PIR: variants seen among roughly 807,000 people sequenced by gnomAD.
The protein encoded by PIR is pirin (iron-binding nuclear protein).
Under a neutral mutation model 24.2 loss-of-function variants are expected in PIR, and 22 were observed. That is an observed-to-expected ratio of 0.91 (90% CI 0.65 to 1.30). The LOEUF (loss-of-function observed/expected upper bound fraction) is 1.30, where lower values mean the gene tolerates loss of function less well. Ranked by LOEUF, PIR falls within the 50% of genes most tolerant of loss-of-function variation. PIR has a pLI of 0.00. For synonymous variants in PIR, 80 were observed against 79.6 expected (o/e 1.00, Z -0.03); for missense variants, 220 against 220.3 (o/e 1.00, Z 0.01).
chrX:15,470,347 G>A lies in PIR; in HGVS notation c.189+9382C>T, dbSNP rs750247761. On this transcript the variant is annotated intron_variant, in intron 3 of 9. Coordinates refer to ENST00000380420, the MANE Select transcript of PIR (RefSeq NM_001018109.3). Reference sequence around the variant, plus strand: ...GCAAATTTCCTTCAAGTTTAATCCTGTGTAGTCAGGCCTGTGATTCTAAGA... The same window carrying A: ...GCAAATTTCCTTCAAGTTTAATCCTATGTAGTCAGGCCTGTGATTCTAAGA... 1.3e-4 allele frequency among the ~76,000 whole-genome samples: 15 copies of A among 111,401 alleles called. No individual in the cohort carries two copies. The South Asian group carries it at 2.6e-3, about 19-fold the overall frequency.
intron 6 of PIR, among the ~76,000 whole-genome samples, chrX:15,424,809 C>T (rs763770226): frequency 1.3e-4 from 14 of 111,494 alleles, no homozygotes; most frequent in Non-Finnish European, 2.6e-4. Context: ...CCAGCCTGGG[C>T]AACGTGGTGA....
intron 5 of PIR, among the ~76,000 whole-genome samples, chrX:15,438,835 C>T (rs920180329): frequency 9.0e-6 from 1 of 111,299 alleles, no homozygotes; most frequent in African/African-American, 3.3e-5. Flanking sequence ...CTCTTCATGC[C>T]CACACTTGGA....
chrX:15,480,436 T>C (rs766231364), intron 2 of PIR, among the ~76,000 whole-genome samples: 2 of 112,372 alleles, frequency 1.8e-5, no homozygotes, highest in South Asian at 3.6e-4. Context: ...CATTTCATAA[T>C]CATCTAAGAT....
chrX:15,409,759 C>A (rs890932894), intron 6 of PIR, among the ~76,000 whole-genome samples: 1 of 111,235 alleles, frequency 9.0e-6, no homozygotes, highest in Non-Finnish European at 1.9e-5. Flanking sequence ...TTCAGAGCAC[C>A]AATAGCTTCA....
intron 3 of PIR, among the ~76,000 whole-genome samples, chrX:15,479,349 T>C (rs1234586860): frequency 2.8e-5 from 3 of 106,893 alleles, no homozygotes; most frequent in Non-Finnish European, 3.9e-5. Flanking sequence ...TTTTCTTTCT[T>C]TTTTTTTTTT....
rs1347240923 is a variant in PIR at position 15,418,214 on chromosome X, T to C, written c.565+7692A>G. ...GAGGCAAAGGTGCTGTAAAAGGAAA[T>C]GAGGAAAATAAACAGAGTGGCTGTT... On this transcript the variant is annotated intron_variant, in intron 6 of 9. Transcript: ENST00000380420. 9.0e-5 allele frequency among the ~76,000 whole-genome samples: 10 copies of C among 110,833 alleles called. No individual in the cohort carries two copies. In the Admixed American group the frequency reaches 9.7e-4, roughly 11 times the overall value.
intron 9 of PIR, among the ~76,000 whole-genome samples, chrX:15,389,069 T>C (rs917061495): frequency 2.7e-5 from 3 of 111,450 alleles, no homozygotes; most frequent in Non-Finnish European, 5.7e-5. Flanking sequence ...TCAGTTAGAC[T>C]CTTGCTTTTC....
chrX:15,492,231 G>T (rs367898413), intron 1 of PIR, among the ~76,000 whole-genome samples: 2 of 111,027 alleles, frequency 1.8e-5, no homozygotes, highest in East Asian at 5.7e-4. Context: ...TGAATTCAAA[G>T]ACCCATCTAT....
At chrX:15,475,254 G>A (rs1156541305) in intron 3 of PIR, among the ~76,000 whole-genome samples, 2 of 111,390 alleles carry the variant, frequency 1.8e-5, no homozygotes, top group East Asian at 5.6e-4. Context: ...AATTATGAGC[G>A]TGGCTTTTCT....
chrX:15,411,518 T>C (rs1924740206), intron 6 of PIR, among the ~76,000 whole-genome samples: 1 of 110,143 alleles, frequency 9.1e-6, no homozygotes. Context: ...GCAGAAAAAA[T>C]AGAAAAACAC....
chrX:15,480,164 C>T (rs1361055924), intron 2 of PIR, among the ~76,000 whole-genome samples: 4 of 53,220 alleles, frequency 7.5e-5, no homozygotes, highest in Non-Finnish European at 1.2e-4. Flanking sequence ...GGGAGTTTCT[C>T]GGCACAAACT....
At chrX:15,455,397 G>A (rs941668307) in intron 5 of PIR, among the ~76,000 whole-genome samples, 1 of 112,439 alleles carries the variant, frequency 8.9e-6, no homozygotes, top group Non-Finnish European at 1.9e-5. Flanking sequence ...TTTCTGCAAT[G>A]TAGTAGTGTG....
intron 2 of PIR, among the ~76,000 whole-genome samples, chrX:15,487,633 C>T: frequency 8.9e-6 from 1 of 112,234 alleles, no homozygotes; most frequent in Middle Eastern, 4.6e-3. Flanking sequence ...GGCATAGAAG[C>T]AAGTGCAGAT....
At chrX:15,433,445 AAAG>A (rs1179143534) in intron 5 of PIR, among the ~76,000 whole-genome samples, 3 of 105,471 alleles carry the variant, frequency 2.8e-5, no homozygotes, top group Admixed American at 1.1e-4. Flanking sequence ...GGAACCAAAG[AAAG>A]AAGAAGAAGG....
chrX:15,432,082 T>C (rs1925527612), intron 5 of PIR, among the ~76,000 whole-genome samples: 1 of 111,169 alleles, frequency 9.0e-6, no homozygotes, highest in South Asian at 3.7e-4. Flanking sequence ...CTAAATATGT[T>C]GAGGGCTTAG....
In PIR at chrX:15,428,667, CTCTT is replaced by C. The variant is rs774683662; in HGVS notation, c.481-2681_481-2678del. 3.6e-5 allele frequency among the ~76,000 whole-genome samples: 4 copies of C among 111,280 alleles called. No homozygotes were observed. The South Asian group carries it at 1.1e-3, about 31-fold the overall frequency. The stretch of plus-strand genomic sequence containing the variant: ...TCTTTCTTTCTCTCTGTCTCTCTCT[CTCTT>C]TCTTTTTTAAATTTTCTTGTAGAGA... On this transcript the variant is annotated intron_variant, in intron 5 of 9. Transcript: ENST00000380420.
intron 5 of PIR, among the ~76,000 whole-genome samples, chrX:15,443,531 AATC>A (rs1297688068): frequency 5.4e-5 from 6 of 111,688 alleles, no homozygotes; most frequent in South Asian, 3.7e-4. Context: ...AATTGATATT[AATC>A]ATCATCAATT....
At chrX:15,437,200 C>T (rs1169248310) in intron 5 of PIR, among the ~76,000 whole-genome samples, 1 of 111,710 alleles carries the variant, frequency 9.0e-6, no homozygotes, top group Non-Finnish European at 1.9e-5. Context: ...AGACTTTTTG[C>T]CTAGTTGGGT....
intron 3 of PIR, among the ~76,000 whole-genome samples, chrX:15,468,896 C>T (rs749795069): frequency 3.4e-4 from 38 of 112,413 alleles, no homozygotes; most frequent in Non-Finnish European, 7.1e-4. Flanking sequence ...AACCTCAGAA[C>T]ATTTGCCAAG....
Sources: gnomAD v4.1 joint callset for allele counts (sites outside exome capture counted in the v4.1 genomes callset) on GRCh38, gnomAD v4.1.1 for gene constraint, MANE v1.5 for transcripts, NCBI Gene and HGNC (gene_info 2026-07-23, HGNC 2026-07-21) for gene names.